KLHL29: variants seen among roughly 807,000 people sequenced by gnomAD.
The protein encoded by KLHL29 is kelch-like protein 29.
KLHL29 carries 21 observed loss-of-function variants against 80.4 expected under a neutral mutation model. That is an observed-to-expected ratio of 0.26 (90% CI 0.19 to 0.38). KLHL29 has a LOEUF of 0.38. KLHL29 is among the 10% of genes least tolerant of loss of function. KLHL29 has a pLI of 1.00. For synonymous variants in KLHL29, 511 were observed against 526.8 expected (o/e 0.97, Z 0.41); for missense variants, 867 against 1,223.9 (o/e 0.71, Z 4.35).
chr2:23,681,986 C>T lies in KLHL29; in HGVS notation c.941-2413C>T, dbSNP rs1671097262. Among the ~76,000 whole-genome samples the T allele has an allele frequency of 2.6e-5, 4 of 152,134 alleles. No homozygotes were observed. The highest frequency in any genetic ancestry group is 1.3e-4 in the Admixed American group (2 of 15,274). On this transcript the variant is annotated intron_variant, in intron 5 of 13. Coordinates refer to ENST00000486442, the MANE Select transcript of KLHL29 (RefSeq NM_052920.2). This position sits in a 1 kb window ranked among gnomAD's most constrained non-coding sequence, Gnocchi z 4.2. Reference sequence around the variant, plus strand: ...CTTGTCTCTAGCCCAGGCCTCTATCCACCGCCTCCTACCCCATCCCCCAGG... The same window carrying T: ...CTTGTCTCTAGCCCAGGCCTCTATCTACCGCCTCCTACCCCATCCCCCAGG...
At chr2:23,469,401 A>C (rs1425871249) in intron 1 of KLHL29, among the ~76,000 whole-genome samples, 1 of 152,196 alleles carries the variant, frequency 6.6e-6, no homozygotes, top group South Asian at 2.1e-4. Flanking sequence ...GCCCTGCCTC[A>C]TGGGGTTCGT....
rs1023424486 is a variant in KLHL29, at chr2:23,523,026, G to C, written c.-45-39126G>C. Among the ~76,000 whole-genome samples the C allele has an allele frequency of 2.0e-5, 3 of 152,094 alleles. No individual in the cohort carries two copies. In the East Asian group the frequency reaches 5.8e-4, roughly 29 times the overall value. On this transcript the variant is annotated intron_variant, in intron 2 of 13. Transcript: ENST00000486442. Reference sequence around the variant, plus strand: ...TGTTAGAATCTATGCGCCTGCCTGTGGGGGTGGTTACGGGCATTTAGTGGG... The same window carrying C: ...TGTTAGAATCTATGCGCCTGCCTGTCGGGGTGGTTACGGGCATTTAGTGGG...
At chr2:23,665,792 T>C (rs1434291955) in intron 5 of KLHL29, among the ~76,000 whole-genome samples, 1 of 152,050 alleles carries the variant, frequency 6.6e-6, no homozygotes, top group Admixed American at 6.5e-5. Context: ...CGGAGAGGCC[T>C]CTCATGACCG....
chr2:23,696,358 G>A lies in KLHL29; in HGVS notation c.1950G>A (p.Leu650=). The change falls in exon 11 of 14, where the codon CTG becomes CTA. Residue 650 remains leucine (L), a synonymous_variant. Coordinates refer to ENST00000486442, the MANE Select transcript of KLHL29 (RefSeq NM_052920.2). This position sits in a 1 kb window ranked among gnomAD's most constrained non-coding sequence, Gnocchi z 5.5. ...LSGGMESGVT[L]ADVWCYMSLL... is the part of the protein sequence containing the mutation. ...GTGGGATGGAATCAGGGGTGACGCT[G>A]GCTGATGTCTGGTGCTACATGTCCC... is the stretch of plus-strand genomic sequence containing the variant. The A allele has an allele frequency of 1.9e-6, 3 of 1,551,628 alleles. No homozygotes were observed. The highest frequency in any genetic ancestry group is 2.6e-6 in the Non-Finnish European group (3 of 1,146,980).
intron 1 of KLHL29, among the ~76,000 whole-genome samples, chr2:23,415,625 T>C (rs144374183): frequency 4.2e-4 from 64 of 152,332 alleles, no homozygotes; most frequent in African/African-American, 1.5e-3. Flanking sequence ...TGAAGGTTTC[T>C]GAGGTCCTGT....
chr2:23,644,740 G>A (rs941677279), intron 5 of KLHL29, among the ~76,000 whole-genome samples: 1 of 152,252 alleles, frequency 6.6e-6, no homozygotes, highest in African/African-American at 2.4e-5. Flanking sequence ...ACCATCCTCT[G>A]TGGTGGTCCT....
chr2:23,486,983 C>T (rs777664393), intron 2 of KLHL29, among the ~76,000 whole-genome samples: 2 of 152,330 alleles, frequency 1.3e-5, no homozygotes, highest in African/African-American at 4.8e-5. Flanking sequence ...GCTGTAGCTA[C>T]TGTTGTTATC....
At chr2:23,387,504 TTTATTATTATTATTATTATTA>T (rs34918880) in intron 1 of KLHL29, among the ~76,000 whole-genome samples, 28 of 117,680 alleles carry the variant, frequency 2.4e-4, no homozygotes, top group Middle Eastern at 4.6e-3. Flanking sequence ...TCATTCCTGA[TTTATTATTATTATTATTATTA>T]TTATTATTAT....
intron 2 of KLHL29, among the ~76,000 whole-genome samples, chr2:23,545,479 T>C (rs1178841066): frequency 2.0e-5 from 3 of 152,118 alleles, no homozygotes. Context: ...TGCAGCTGGG[T>C]AAGGAAGGCT....
chr2:23,467,338 AG>A (rs1664380254), intron 1 of KLHL29, among the ~76,000 whole-genome samples: 1 of 152,244 alleles, frequency 6.6e-6, no homozygotes, highest in Non-Finnish European at 1.5e-5. Context: ...TTCTATTTCC[AG>A]CTCCTAGGCT....
chr2:23,471,625 A>AT (rs1478458437), intron 1 of KLHL29, among the ~76,000 whole-genome samples: 1 of 152,266 alleles, frequency 6.6e-6, no homozygotes, highest in Non-Finnish European at 1.5e-5. Flanking sequence ...TACCTACTGT[A>AT]TTTTTTAAAA....
chr2:23,706,879 C>T lies in KLHL29; in HGVS notation c.*215C>T, dbSNP rs577394757. Reference sequence around the variant, plus strand: ...ACCGCGCTTGGAGCCGCAGGAACCACGATCCCGCCATGGGGCTGGCTGCCT... The same window carrying T: ...ACCGCGCTTGGAGCCGCAGGAACCATGATCCCGCCATGGGGCTGGCTGCCT... On this transcript the variant is annotated 3_prime_UTR_variant, in exon 14 of 14. Transcript: ENST00000486442. The T allele has an allele frequency of 1.6e-4, 76 of 473,654 alleles. 1 individual carries two copies. Among genetic ancestry groups the T allele is most frequent in the African/African-American group, 1.4e-3 (71 of 50,240 alleles). The allele number at this position is 473,654 out of a possible 1,614,324, so 29.3% of individuals were successfully genotyped here.
chr2:23,680,338 A>G lies in KLHL29; in HGVS notation c.941-4061A>G, dbSNP rs1200484479. 6.6e-6 allele frequency among the ~76,000 whole-genome samples: 1 copy of G among 152,096 alleles called. No individual in the cohort carries two copies. Among genetic ancestry groups the G allele is most frequent in the African/African-American group, 2.4e-5 (1 of 41,400 alleles). On this transcript the variant is annotated intron_variant, in intron 5 of 13. Transcript: ENST00000486442. The surrounding 1 kb of genome is among the most constrained non-coding windows in gnomAD (Gnocchi z 4.1). Reference sequence around the variant, plus strand: ...AAGAGGAGCTCCATGCTGGGCGCTGAGTCGAGCATCCTGGGCATGCAGGAG... The same window carrying G: ...AAGAGGAGCTCCATGCTGGGCGCTGGGTCGAGCATCCTGGGCATGCAGGAG...
chr2:23,582,106 T>C (rs1668002400), intron 3 of KLHL29, among the ~76,000 whole-genome samples: 1 of 152,136 alleles, frequency 6.6e-6, no homozygotes, highest in Non-Finnish European at 1.5e-5. Flanking sequence ...CCTATCAGCC[T>C]CACGCCTCCA....
rs3795950 is a variant in KLHL29, at chr2:23,706,915, G to T, written c.*251G>T. ...TGGGGCTGGCTGCCTCCTGAACAGGGGCGCTCGCTCTGCCAGGTGCAATAG... is the reference window on the plus strand; with the variant it reads ...TGGGGCTGGCTGCCTCCTGAACAGGTGCGCTCGCTCTGCCAGGTGCAATAG... On this transcript the variant is annotated 3_prime_UTR_variant, in exon 14 of 14. Coordinates refer to ENST00000486442, the MANE Select transcript of KLHL29 (RefSeq NM_052920.2). 2 of 410,762 alleles carry T rather than the reference G, an allele frequency of 4.9e-6. No homozygotes were observed. Among genetic ancestry groups the T allele is most frequent in the East Asian group, 8.3e-5 (2 of 23,958 alleles). The allele number at this position is 410,762 out of a possible 1,614,324, so 25.4% of individuals were successfully genotyped here.
intron 2 of KLHL29, among the ~76,000 whole-genome samples, chr2:23,512,793 G>A (rs1042743729): frequency 3.3e-5 from 5 of 152,256 alleles, no homozygotes; most frequent in African/African-American, 4.8e-5. Context: ...CTGTGTATGC[G>A]CCTCTGTCTG....
chr2:23,461,003 A>G (rs1664193650), intron 1 of KLHL29, among the ~76,000 whole-genome samples: 1 of 152,246 alleles, frequency 6.6e-6, no homozygotes, highest in African/African-American at 2.4e-5. Flanking sequence ...CTGAGAGGCC[A>G]CTAAAGGATT....
chr2:23,693,052 G>A (rs1671721658), intron 7 of KLHL29, among the ~76,000 whole-genome samples: 1 of 152,154 alleles, frequency 6.6e-6, no homozygotes, highest in Non-Finnish European at 1.5e-5. Context: ...ACAGAGGGAG[G>A]CCCCTGGGAG....
chr2:23,551,899 G>C (rs1318220949), intron 2 of KLHL29, among the ~76,000 whole-genome samples: 1 of 152,238 alleles, frequency 6.6e-6, no homozygotes. Flanking sequence ...ACCACATTTT[G>C]AGTAGGGAGG....
Sources: allele counts gnomAD v4.1 joint callset (sites outside exome capture counted in the v4.1 genomes callset), GRCh38; gene constraint gnomAD v4.1.1; non-coding constraint Gnocchi (gnomAD v3.1); transcripts MANE v1.5; gene names NCBI Gene and HGNC (gene_info 2026-07-23, HGNC 2026-07-21).